The following AKR1C4 variants were observed in gnomAD, a reference collection of about 807,000 sequenced individuals.
AKR1C4 encodes the protein aldo-keto reductase family 1 member C4.
AKR1C4 carries 44 observed loss-of-function variants against 41.0 expected under a neutral mutation model. The observed-to-expected ratio is 1.07, with a 90% CI of 0.84 to 1.38. The LOEUF is 1.38. Among genes scored for constraint, AKR1C4 ranks in the 40% most tolerant of loss-of-function variants. AKR1C4 has a pLI of 0.00. For missense variants in AKR1C4, 438 were observed against 387.9 expected, an observed-to-expected ratio of 1.13 and a Z score of -1.09; for synonymous variants, 165 against 137.7, an observed-to-expected ratio of 1.20 and a Z score of -1.39.
At chr10:5,204,821 C>A (rs1369604357) in intron 3 of AKR1C4, among the ~76,000 whole-genome samples, 1 of 152,154 alleles carries the variant, frequency 6.6e-6, no homozygotes, top group Non-Finnish European at 1.5e-5. Context: ...AGCTGTGGTA[C>A]CCCAAAAAAA....
chr10:5,209,445 C>T (rs1444610532), intron 5 of AKR1C4, among the ~76,000 whole-genome samples: 2 of 151,878 alleles, frequency 1.3e-5, no homozygotes, highest in African/African-American at 4.8e-5. Flanking sequence ...GAAACAATTA[C>T]TGCTCTCAGA....
At chr10:5,210,165 A>C (rs782109295) in intron 5 of AKR1C4, among the ~76,000 whole-genome samples, 3 of 152,200 alleles carry the variant, frequency 2.0e-5, no homozygotes, top group Non-Finnish European at 4.4e-5. Flanking sequence ...CCAGCAGGGC[A>C]AATTTTAAAG....
intron 8 of AKR1C4, among the ~76,000 whole-genome samples, chr10:5,218,068 A>C (rs1354663977): frequency 3.9e-5 from 6 of 152,202 alleles, no homozygotes; most frequent in Non-Finnish European, 8.8e-5. Context: ...GGAAAGGAAG[A>C]GTGGCAAACA....
At chr10:5,218,691 T>C (rs1554798832) in intron 8 of AKR1C4, 27 bp from the exon 9 acceptor site, 8 of 1,551,018 alleles carry the variant, frequency 5.2e-6, no homozygotes, top group Non-Finnish European at 7.1e-6. Flanking sequence ...TTCATCCATA[T>C]TTATGTACTA....
chr10:5,201,120 T>C (rs1386864759), intron 2 of AKR1C4, among the ~76,000 whole-genome samples: 1 of 152,132 alleles, frequency 6.6e-6, no homozygotes, highest in Non-Finnish European at 1.5e-5. Context: ...TTTTGGTAGA[T>C]ACCAGTATTA....
At chr10:5,210,346 G>A (rs1239736834) in intron 5 of AKR1C4, among the ~76,000 whole-genome samples, 1 of 152,182 alleles carries the variant, frequency 6.6e-6, no homozygotes, top group Non-Finnish European at 1.5e-5. Flanking sequence ...GGCATTGAGT[G>A]TCTGCAGCTT....
At chr10:5,200,003 GGTCATA>G (rs1370136030) in intron 1 of AKR1C4, among the ~76,000 whole-genome samples, 172 bp from the exon 2 acceptor site, 1 of 152,138 alleles carries the variant, frequency 6.6e-6, no homozygotes, top group Non-Finnish European at 1.5e-5. Flanking sequence ...ACTGTCAACG[GGTCATA>G]GTCCCACAAC....
At chr10:5,207,488 G>T (rs930390354) in intron 5 of AKR1C4, 6 of 404,090 alleles carry the variant, frequency 1.5e-5, no homozygotes, top group Non-Finnish European at 2.4e-5. Context: ...CAGGATGGAA[G>T]AAGTCAAAAC....
In AKR1C4 at chr10:5,216,735, G is replaced by A. The variant is rs782255336; in HGVS notation, c.871G>A (p.Glu291Lys). The A allele has an allele frequency of 1.2e-6, 2 of 1,611,966 alleles. No individual in the cohort carries two copies. Among genetic ancestry groups the A allele is most frequent in the African/African-American group, 2.7e-5 (2 of 74,874 alleles). The change falls in exon 8 of 9, where the codon GAG becomes AAG. Residue 291 changes from glutamate to lysine, a missense_variant. Physicochemically the swap from Glu to Lys is moderately conservative, Grantham distance 56. Coordinates refer to ENST00000263126, the MANE Select transcript of AKR1C4 (RefSeq NM_001818.5). ...GGTTTTTGAATTCCAGTTGACATCA[G>A]AGGATATGAAAGTTCTAGATGGTCT... ...IQVFEFQLTS[E>K]DMKVLDGLNR... is the part of the protein sequence containing the mutation.
intron 7 of AKR1C4, among the ~76,000 whole-genome samples, chr10:5,214,533 C>T (rs149140511): frequency 0.011 from 1,699 of 152,218 alleles, 20 homozygotes; most frequent in Non-Finnish European, 0.017. Context: ...TTCCAGTTTA[C>T]GACCATAGAC....
At chr10:5,218,560 A>G (rs568806562) in intron 8 of AKR1C4, among the ~76,000 whole-genome samples, 158 bp from the exon 9 acceptor site, 2 of 148,816 alleles carry the variant, frequency 1.3e-5, no homozygotes, top group Admixed American at 1.3e-4. Flanking sequence ...AAAAAAACAC[A>G]TTATAAACTC....
chr10:5,208,040 G>A (rs1489869521), intron 5 of AKR1C4, among the ~76,000 whole-genome samples: 1 of 144,450 alleles, frequency 6.9e-6, no homozygotes, highest in African/African-American at 2.7e-5. Flanking sequence ...TTGATGCAAA[G>A]TTAGTGAAAT....
At chr10:5,210,293 G>T (rs1554797805) in intron 5 of AKR1C4, among the ~76,000 whole-genome samples, 1 of 152,208 alleles carries the variant, frequency 6.6e-6, no homozygotes, top group Admixed American at 6.5e-5. Flanking sequence ...CACCACTGTG[G>T]CTTTGCAGGG....
At chr10:5,197,140 C>T (rs1488628651) in intron 1 of AKR1C4, among the ~76,000 whole-genome samples, 189 bp downstream of exon 1, 1 of 152,178 alleles carries the variant, frequency 6.6e-6, no homozygotes, top group Non-Finnish European at 1.5e-5. Flanking sequence ...TGAGGTCTGT[C>T]ATATGGTAAT....
chr10:5,211,954 A>G (rs1174485164), intron 5 of AKR1C4, among the ~76,000 whole-genome samples: 1 of 152,174 alleles, frequency 6.6e-6, no homozygotes, highest in Non-Finnish European at 1.5e-5. Context: ...TGAGAGACTT[A>G]TTCACTATCA....
At chr10:5,200,061 G>C (rs1301978746) in intron 1 of AKR1C4, 120 bp from the exon 2 acceptor site, 1 of 1,290,750 alleles carries the variant, frequency 7.7e-7, no homozygotes, top group African/African-American at 1.5e-5. Context: ...TGAGCAGCGG[G>C]GGCCTGAAGA....
intron 6 of AKR1C4, 106 bp downstream of exon 6, chr10:5,212,831 G>A: frequency 2.8e-6 from 4 of 1,410,922 alleles, no homozygotes; most frequent in Non-Finnish European, 3.9e-6. Context: ...TCAGGGTAAG[G>A]GGATAATTTG....
intron 5 of AKR1C4, among the ~76,000 whole-genome samples, chr10:5,210,804 G>C (rs1478541062): frequency 6.6e-6 from 1 of 152,146 alleles, no homozygotes; most frequent in African/African-American, 2.4e-5. Context: ...TAGAGACAGG[G>C]TTTCACCATG....
At chr10:5,209,945 A>C (rs782621156) in intron 5 of AKR1C4, among the ~76,000 whole-genome samples, 6 of 152,344 alleles carry the variant, frequency 3.9e-5, no homozygotes, top group Non-Finnish European at 8.8e-5. Flanking sequence ...CCAAAGTCTT[A>C]ACTCATTTCA....
Sources: allele counts gnomAD v4.1 joint callset (sites outside exome capture counted in the v4.1 genomes callset), GRCh38; gene constraint gnomAD v4.1.1; transcripts MANE v1.5; gene names NCBI Gene and HGNC (gene_info 2026-07-23, HGNC 2026-07-21).